Variants in LHPP observed in about 807,000 individuals in gnomAD.
LHPP encodes the protein phospholysine phosphohistidine inorganic pyrophosphate phosphatase, also known as hLHPP.
Under a neutral mutation model 30.3 loss-of-function variants are expected in LHPP, and 24 were observed. That is an observed-to-expected ratio of 0.79 (90% CI 0.57 to 1.11). LHPP has a LOEUF of 1.11. LHPP is among the 50% of genes most tolerant of loss of function. The pLI is 0.00. For synonymous variants in LHPP, 150 were observed against 157.1 expected, an observed-to-expected ratio of 0.95 and a Z score of 0.34; for missense variants, 356 against 367.2, an observed-to-expected ratio of 0.97 and a Z score of 0.25.
intron 6 of LHPP, among the ~76,000 whole-genome samples, chr10:124,578,866 G>T (rs1948706595): frequency 6.6e-6 from 1 of 152,190 alleles, no homozygotes; most frequent in African/African-American, 2.4e-5. Context: ...AGCCCTGAGT[G>T]CTGCTTTAGC....
rs1954668464 is a variant in LHPP, at chr10:124,523,899, C to T, written c.716+6628C>T. Among the ~76,000 whole-genome samples, 1 of 152,206 alleles carries T rather than the reference C, an allele frequency of 6.6e-6. No individual in the cohort carries two copies. Among genetic ancestry groups the T allele is most frequent in the African/African-American group, 2.4e-5 (1 of 41,448 alleles). ...TGAGTCCGTGAATCCCAGACATCCT[C>T]TCAGCAGCCCTCTGGTCCTGCCCGG... On this transcript the variant is annotated intron_variant, in intron 6 of 6. Transcript: ENST00000368842. This position sits in a 1 kb window ranked among gnomAD's most constrained non-coding sequence, Gnocchi z 4.2.
At chr10:124,491,454 G>A (rs565959287) in intron 3 of LHPP, among the ~76,000 whole-genome samples, 1 of 152,270 alleles carries the variant, frequency 6.6e-6, no homozygotes, top group South Asian at 2.1e-4. Flanking sequence ...TGGGATCTAG[G>A]CAGGTCATTG....
At chr10:124,610,449 A>C (rs1225660055) in intron 6 of LHPP, among the ~76,000 whole-genome samples, 4 of 28,082 alleles carry the variant, frequency 1.4e-4, no homozygotes, top group Non-Finnish European at 2.1e-4. Flanking sequence ...GCAGCGGGTG[A>C]GGGTGAGGGT....
In LHPP at chr10:124,611,007, A is replaced by G. The variant is rs1459857297; in HGVS notation, c.717-2257A>G. On this transcript the variant is annotated intron_variant, in intron 6 of 6. Transcript: ENST00000368842. Reference sequence around the variant, plus strand: ...GGTGGAGCGGGTGAGGGTGTTAATGAAGCGGGTGCGGGTGAGGGTGCTGAT... The same window carrying G: ...GGTGGAGCGGGTGAGGGTGTTAATGGAGCGGGTGCGGGTGAGGGTGCTGAT... Among the ~76,000 whole-genome samples the G allele has an allele frequency of 6.5e-4, 13 of 19,910 alleles. 2 individuals are homozygous for G. Among genetic ancestry groups the G allele is most frequent in the East Asian group, 2.1e-3 (1 of 472 alleles). 13.1% of individuals were successfully genotyped at this position (19,910 alleles called of 152,430 possible).
chr10:124,496,880 GGT>G lies in LHPP; in HGVS notation c.468-79_468-78del. 1 of 1,299,028 alleles carries G rather than the reference GGT, an allele frequency of 7.7e-7. No homozygotes were observed. Among genetic ancestry groups the G allele is most frequent in the Non-Finnish European group, 1.1e-6 (1 of 914,266 alleles). 80.5% of individuals were successfully genotyped at this position (1,299,028 alleles called of 1,614,324 possible). ...GCTCTGCAGCCAGCGGGACAGGCCCGGTGCTCAGCTCCCGATACTTAGCATCC... is the reference window on the plus strand; with the variant it reads ...GCTCTGCAGCCAGCGGGACAGGCCCGGCTCAGCTCCCGATACTTAGCATCC... On this transcript the variant is annotated intron_variant, in intron 3 of 6. Transcript: ENST00000368842. This position sits in a 1 kb window ranked among gnomAD's most constrained non-coding sequence, Gnocchi z 4.3.
chr10:124,465,198 G>A (rs979531749), intron 1 of LHPP, among the ~76,000 whole-genome samples: 3 of 152,088 alleles, frequency 2.0e-5, no homozygotes, highest in South Asian at 2.1e-4. Context: ...AGGAAGAGGC[G>A]GAGGAAGCGC....
chr10:124,601,269 G>A (rs10901779), intron 6 of LHPP, among the ~76,000 whole-genome samples: 28,555 of 152,188 alleles, frequency 0.19, 3,011 homozygotes, highest in East Asian at 0.27. Flanking sequence ...CAGCTGCCGC[G>A]TCACACGCTG....
intron 5 of LHPP, among the ~76,000 whole-genome samples, chr10:124,514,197 G>A (rs1036288895): frequency 1.3e-5 from 2 of 152,192 alleles, no homozygotes; most frequent in Non-Finnish European, 2.9e-5. Context: ...GAGGAAAGGT[G>A]GTGGTCACCA....
chr10:124,480,605 AG>A (rs1298932211), intron 1 of LHPP, among the ~76,000 whole-genome samples: 1 of 152,220 alleles, frequency 6.6e-6, no homozygotes, highest in Non-Finnish European at 1.5e-5. Context: ...CACACGTTCC[AG>A]GTGCCAATCA....
chr10:124,504,862 A>T (rs560281562), intron 5 of LHPP, among the ~76,000 whole-genome samples: 1 of 152,254 alleles, frequency 6.6e-6, no homozygotes, highest in South Asian at 2.1e-4. Flanking sequence ...GGTCTGGTGA[A>T]TCTGGGTTTG....
intron 6 of LHPP, among the ~76,000 whole-genome samples, chr10:124,601,495 C>T (rs548391573): frequency 5.8e-4 from 89 of 152,300 alleles, no homozygotes; most frequent in African/African-American, 1.6e-3. Context: ...GCATTTGCCA[C>T]GTGAGGGAGT....
intron 6 of LHPP, among the ~76,000 whole-genome samples, chr10:124,521,003 G>A (rs974493323): frequency 2.6e-5 from 4 of 152,174 alleles, no homozygotes; most frequent in African/African-American, 4.8e-5. Flanking sequence ...GAAAAGGTTC[G>A]CTGGCTTCTG....
intron 5 of LHPP, among the ~76,000 whole-genome samples, chr10:124,503,317 C>T (rs1001345627): frequency 2.0e-5 from 3 of 151,306 alleles, no homozygotes; most frequent in African/African-American, 7.3e-5. Flanking sequence ...CCGCCCGCCT[C>T]GGCCTCCCAA....
At position 124,506,877 on chromosome 10, in the gene LHPP, CAGGATTTCAGGTTGGGGGGTAGGG is replaced by C. The variant is rs1320124825; in HGVS notation, c.624+8772_624+8795del. Among the ~76,000 whole-genome samples the C allele has an allele frequency of 1.4e-3, 20 of 13,950 alleles. 3 individuals are homozygous for C. In the South Asian group the frequency reaches 0.021, roughly 15 times the overall value. The allele number at this position is 13,950 out of a possible 152,430, so 9.2% of individuals were successfully genotyped here. ...GGAGGATTTCAGGTGGAGAGGTAGA[CAGGATTTCAGGTTGGGGGGTAGGG>C]AGGATTTCAGGTTGGGGGGTAGACA... On this transcript the variant is annotated intron_variant, in intron 5 of 6. Coordinates refer to ENST00000368842, the MANE Select transcript of LHPP (RefSeq NM_022126.4).
chr10:124,501,241 G>T (rs1175125395), intron 5 of LHPP, among the ~76,000 whole-genome samples: 1 of 151,894 alleles, frequency 6.6e-6, no homozygotes, highest in Non-Finnish European at 1.5e-5. Flanking sequence ...GGTTGGCAGG[G>T]GTCGGGTGCA....
Position 124,488,705 on chromosome 10 carries a change from C to T in LHPP, c.467+130C>T. ...AGGAGCACCGGTGATCTTCTTTTCC[C>T]TCCCTTTTTCATGCTTTCTCTCTTC... On this transcript the variant is annotated intron_variant, in intron 3 of 6. Coordinates refer to ENST00000368842, the MANE Select transcript of LHPP (RefSeq NM_022126.4). 2.0e-5 allele frequency: 15 copies of T among 735,350 alleles called. No individual in the cohort carries two copies. In the South Asian group the frequency reaches 2.8e-4, roughly 14 times the overall value. The allele number at this position is 735,350 out of a possible 1,614,324, so 45.6% of individuals were successfully genotyped here.
rs1041550269 is a variant in LHPP at position 124,593,653 on chromosome 10, A to C, written c.717-19611A>C. On this transcript the variant is annotated intron_variant, in intron 6 of 6. Transcript: ENST00000368842. This position sits in a 1 kb window ranked among gnomAD's most constrained non-coding sequence, Gnocchi z 4.9. ...ATGGGCAGATCCCCCAGGGCACTCT[A>C]TCCAGAGGGTGGTGGACCCAAACGC... is the stretch of plus-strand genomic sequence containing the variant. 6.6e-6 allele frequency among the ~76,000 whole-genome samples: 1 copy of C among 152,206 alleles called. No individual in the cohort carries two copies. Among genetic ancestry groups the C allele is most frequent in the African/African-American group, 2.4e-5 (1 of 41,454 alleles).
chr10:124,485,288 C>A (rs1028870953), intron 2 of LHPP, among the ~76,000 whole-genome samples: 1 of 152,024 alleles, frequency 6.6e-6, no homozygotes, highest in East Asian at 1.9e-4. Context: ...AAATATCTTG[C>A]CCCACCCTCC....
intron 1 of LHPP, 142 bp from the exon 2 acceptor site, chr10:124,483,997 G>A (rs1953231373): frequency 4.2e-6 from 3 of 711,696 alleles, no homozygotes; most frequent in Admixed American, 2.8e-5. Flanking sequence ...TCCTGGATCA[G>A]CCAGGACCCC....
Sources: gnomAD v4.1 joint callset for allele counts (sites outside exome capture counted in the v4.1 genomes callset) on GRCh38, gnomAD v4.1.1 for gene constraint, Gnocchi (gnomAD v3.1) non-coding constraint, MANE v1.5 for transcripts, NCBI Gene and HGNC (gene_info 2026-07-23, HGNC 2026-07-21) for gene names.